The following MMP20 variants were observed in gnomAD, a reference collection of about 807,000 sequenced individuals.
The protein encoded by MMP20 is matrix metalloproteinase-20.
MMP20 carries 50 observed loss-of-function variants against 51.8 expected under a neutral mutation model. That is an observed-to-expected ratio of 0.97 (90% CI 0.77 to 1.22). The LOEUF (loss-of-function observed/expected upper bound fraction) is 1.22, where lower values mean the gene tolerates loss of function less well. Ranked by LOEUF, MMP20 falls within the 50% of genes most tolerant of loss-of-function variation. The probability of loss-of-function intolerance (pLI) is 0.00; values close to 1 mark genes in which losing one functional copy is unlikely to be tolerated. For synonymous variants in MMP20, 244 were observed against 216.2 expected (o/e 1.13, Z -1.13); for missense variants, 663 against 601.4 (o/e 1.10, Z -1.07).
chr11:102,580,878 G>C (rs1176690032), intron 8 of MMP20, among the ~76,000 whole-genome samples: 1 of 152,198 alleles, frequency 6.6e-6, no homozygotes, highest in Non-Finnish European at 1.5e-5. Context: ...TGCTGACACA[G>C]ACTGCAGCTC....
chr11:102,607,387 T>G (rs2135940681), intron 5 of MMP20: 1 of 153,762 alleles, frequency 6.5e-6, no homozygotes, highest in Admixed American at 6.5e-5. Flanking sequence ...AGAATGAGCC[T>G]GCACAGCTTG....
chr11:102,600,224 C>T (rs1427749831), intron 6 of MMP20, among the ~76,000 whole-genome samples: 1 of 152,180 alleles, frequency 6.6e-6, no homozygotes, highest in African/African-American at 2.4e-5. Context: ...GTGGGCTTAC[C>T]TCAAGCCCAT....
chr11:102,621,027 C>T (rs536129781), intron 1 of MMP20, among the ~76,000 whole-genome samples: 18 of 152,348 alleles, frequency 1.2e-4, no homozygotes, highest in Admixed American at 6.5e-4. Context: ...GTGGCTGGCC[C>T]ACCCTTCAGG....
intron 8 of MMP20, among the ~76,000 whole-genome samples, chr11:102,579,822 T>C (rs190189050): frequency 1.9e-4 from 29 of 152,334 alleles, no homozygotes; most frequent in Non-Finnish European, 2.9e-4. Flanking sequence ...AACTTGCCAT[T>C]TGAAAGGAAC....
chr11:102,621,343 T>A lies in MMP20; in HGVS notation c.126+3851A>T, dbSNP rs180968467. The stretch of plus-strand genomic sequence containing the variant: ...CCGCTTGGCTGCAGCACAGCCATGT[T>A]CCTTACAGTCACACAAATAGATTTG... On this transcript the variant is annotated intron_variant, in intron 1 of 9. Coordinates refer to ENST00000260228, the MANE Select transcript of MMP20 (RefSeq NM_004771.4). Among the ~76,000 whole-genome samples, 111 of 152,372 alleles carry A rather than the reference T, an allele frequency of 7.3e-4. 1 individual carries two copies. The highest frequency in any genetic ancestry group is 8.8e-5 in the Non-Finnish European group (6 of 68,042).
chr11:102,589,206 T>A (rs908432318), intron 8 of MMP20, among the ~76,000 whole-genome samples: 5 of 152,154 alleles, frequency 3.3e-5, no homozygotes, highest in African/African-American at 1.2e-4. Flanking sequence ...ATTTTGTGCA[T>A]CAGTAAATTT....
chr11:102,622,486 C>T (rs559155178), intron 1 of MMP20, among the ~76,000 whole-genome samples: 1 of 152,176 alleles, frequency 6.6e-6, no homozygotes, highest in African/African-American at 2.4e-5. Context: ...CAGGTCTTCA[C>T]GTGACTGGCT....
rs540671220 is a variant in MMP20, at chr11:102,595,266, G to A, written c.954-509C>T. Among the ~76,000 whole-genome samples the A allele has an allele frequency of 6.6e-5, 10 of 152,168 alleles. No homozygotes were observed. The East Asian group carries it at 1.7e-3, about 26-fold the overall frequency. On this transcript the variant is annotated intron_variant, in intron 6 of 9. Coordinates refer to ENST00000260228, the MANE Select transcript of MMP20 (RefSeq NM_004771.4). Reference sequence around the variant, plus strand: ...TTTTAAGGAAAAACACAACTTTTTGGACCTTGGTAAACAGTTTCTACTCCC... The same window carrying A: ...TTTTAAGGAAAAACACAACTTTTTGAACCTTGGTAAACAGTTTCTACTCCC...
rs533016381 is a variant in MMP20 at position 102,596,814 on chromosome 11, T to A, written c.954-2057A>T. Among the ~76,000 whole-genome samples, 18 of 152,290 alleles carry A rather than the reference T, an allele frequency of 1.2e-4. No homozygotes were observed. In the South Asian group the frequency reaches 2.1e-3, roughly 18 times the overall value. ...TTTTTCTTTGTTTGTACTTTGACCC[T>A]TTGTCCAATCAGACCTGGGCTTTTC... is the stretch of plus-strand genomic sequence containing the variant. On this transcript the variant is annotated intron_variant, in intron 6 of 9. Coordinates refer to ENST00000260228, the MANE Select transcript of MMP20 (RefSeq NM_004771.4).
chr11:102,613,924 C>CT (rs1172761099), intron 2 of MMP20, among the ~76,000 whole-genome samples: 1 of 152,172 alleles, frequency 6.6e-6, no homozygotes, highest in Non-Finnish European at 1.5e-5. Flanking sequence ...TATCTTTGAG[C>CT]TGACTTTGTG....
intron 1 of MMP20, among the ~76,000 whole-genome samples, chr11:102,624,089 G>A (rs1859785470): frequency 6.6e-6 from 1 of 152,218 alleles, no homozygotes; most frequent in African/African-American, 2.4e-5. Flanking sequence ...CCGGGGAACT[G>A]ACCAGTTAAT....
At chr11:102,582,155 C>T (rs1429734286) in intron 8 of MMP20, among the ~76,000 whole-genome samples, 1 of 152,176 alleles carries the variant, frequency 6.6e-6, no homozygotes, top group Non-Finnish European at 1.5e-5. Context: ...TCTAAGGACT[C>T]AGGGACTGTT....
intron 1 of MMP20, among the ~76,000 whole-genome samples, chr11:102,622,072 T>A (rs1199385117): frequency 6.6e-6 from 1 of 152,200 alleles, no homozygotes; most frequent in Non-Finnish European, 1.5e-5. Flanking sequence ...CATTTTGCCA[T>A]CTTACCATTT....
chr11:102,594,012 A>C (rs546423187), intron 7 of MMP20, among the ~76,000 whole-genome samples: 2 of 152,238 alleles, frequency 1.3e-5, no homozygotes, highest in Non-Finnish European at 2.9e-5. Context: ...TAAAACTGAT[A>C]GTTATCACCT....
intron 8 of MMP20, among the ~76,000 whole-genome samples, chr11:102,582,292 T>A (rs559563417): frequency 1.1e-3 from 175 of 152,308 alleles, no homozygotes; most frequent in Non-Finnish European, 2.0e-3. Flanking sequence ...GACTCCATTC[T>A]ACCCTCTTAG....
At chr11:102,579,565 C>T (rs1025688990) in intron 8 of MMP20, among the ~76,000 whole-genome samples, 1 of 152,170 alleles carries the variant, frequency 6.6e-6, no homozygotes, top group African/African-American at 2.4e-5. Flanking sequence ...TCCCACACCT[C>T]AGCCTCCCAA....
intron 8 of MMP20, among the ~76,000 whole-genome samples, chr11:102,582,016 G>A (rs1859201327): frequency 6.6e-6 from 1 of 152,024 alleles, no homozygotes; most frequent in Non-Finnish European, 1.5e-5. Flanking sequence ...TTTCCTTTGT[G>A]GGCATTTGTT....
At chr11:102,616,362 G>A (rs1469052711) in intron 2 of MMP20, among the ~76,000 whole-genome samples, 1 of 152,186 alleles carries the variant, frequency 6.6e-6, no homozygotes, top group African/African-American at 2.4e-5. Context: ...GTTCCCTAAG[G>A]TCAAGAAAGT....
At chr11:102,591,406 G>T (rs942677664) in intron 8 of MMP20, among the ~76,000 whole-genome samples, 3 of 152,168 alleles carry the variant, frequency 2.0e-5, no homozygotes, top group African/African-American at 7.2e-5. Context: ...GAGAAATATT[G>T]AGGTTTAAGC....
Sources: allele counts gnomAD v4.1 joint callset (sites outside exome capture counted in the v4.1 genomes callset), GRCh38; gene constraint gnomAD v4.1.1; transcripts MANE v1.5; gene names NCBI Gene and HGNC (gene_info 2026-07-23, HGNC 2026-07-21).